PRH1: variants seen among roughly 807,000 people sequenced by gnomAD.
PRH1 encodes the protein salivary acidic proline-rich phosphoprotein 1/2.
In PRH1, 7 loss-of-function variants were observed where a neutral mutation model predicts 7.9. The observed-to-expected ratio is 0.89, with a 90% CI of 0.50 to 1.67. The LOEUF (loss-of-function observed/expected upper bound fraction) is 1.67, where lower values mean the gene tolerates loss of function less well. PRH1 is among the 40% of genes most tolerant of loss of function. The pLI is 0.00. For synonymous variants in PRH1, 45 were observed against 80.8 expected (o/e 0.56, Z 2.38); for missense variants, 109 against 223.6 (o/e 0.49, Z 3.27).
intron 1 of PRH1, among the ~76,000 whole-genome samples, chr12:11,022,980 C>T (rs1268566704): frequency 1.3e-5 from 2 of 152,082 alleles, no homozygotes; most frequent in African/African-American, 4.8e-5. Context: ...TCAGTTGTTC[C>T]ATAGGGAAAT....
At chr12:11,093,048 G>T (rs143518639) in intron 1 of PRH1, among the ~76,000 whole-genome samples, 1 of 116,086 alleles carries the variant, frequency 8.6e-6, no homozygotes, top group African/African-American at 2.9e-5. Flanking sequence ...TTGCTAGTAT[G>T]CAAATAGGGA....
chr12:10,971,845 A>G (rs1380752314), intron 2 of PRH1, among the ~76,000 whole-genome samples: 1 of 152,150 alleles, frequency 6.6e-6, no homozygotes, highest in African/African-American at 2.4e-5. Flanking sequence ...CAAAAATTAC[A>G]TATTACTCTT....
chr12:11,070,034 G>C (rs1434190908), intron 1 of PRH1, among the ~76,000 whole-genome samples: 1 of 152,142 alleles, frequency 6.6e-6, no homozygotes, highest in Non-Finnish European at 1.5e-5. Flanking sequence ...TACGTAGTTA[G>C]TCAGGCATGA....
chr12:10,975,018 G>A (rs1387586788), intron 1 of PRH1, among the ~76,000 whole-genome samples: 3 of 152,200 alleles, frequency 2.0e-5, no homozygotes, highest in Admixed American at 6.5e-5. Context: ...AAGTATTCAC[G>A]GCATAATTGA....
upstream of PRH1, among the ~76,000 whole-genome samples, chr12:10,888,767 T>C (rs946123394): frequency 4.6e-5 from 7 of 152,266 alleles, no homozygotes; most frequent in Non-Finnish European, 8.8e-5. Context: ...TATGTTTTAC[T>C]TTACATGTAC....
chr12:10,890,643 G>A (rs1949558782), intron 2 of PRH1, among the ~76,000 whole-genome samples: 1 of 152,114 alleles, frequency 6.6e-6, no homozygotes, highest in Non-Finnish European at 1.5e-5. Flanking sequence ...AGAGGCAGAG[G>A]TGGGAGGACT....
intron 1 of PRH1, among the ~76,000 whole-genome samples, chr12:11,041,714 G>C (rs745631090): frequency 1.4e-4 from 22 of 152,300 alleles, no homozygotes; most frequent in Non-Finnish European, 2.9e-4. Context: ...CTCAAGGATA[G>C]ACCATATGTT....
intron 1 of PRH1, among the ~76,000 whole-genome samples, chr12:11,084,309 A>G (rs1391549588): frequency 7.4e-6 from 1 of 134,330 alleles, no homozygotes; most frequent in Non-Finnish European, 1.7e-5. Flanking sequence ...CTTGCTTCCA[A>G]CAGTTCATTT....
intron 1 of PRH1, among the ~76,000 whole-genome samples, chr12:11,083,932 CTG>C (rs1944586178): frequency 8.4e-6 from 1 of 119,102 alleles, no homozygotes. Context: ...CTAGTTGGTT[CTG>C]CTGGGACAAT....
chr12:11,148,145 G>C (rs1173391902), intron 1 of PRH1, among the ~76,000 whole-genome samples: 2 of 142,356 alleles, frequency 1.4e-5, no homozygotes, highest in Non-Finnish European at 3.1e-5. Flanking sequence ...TTTGTATCCT[G>C]AGACTTTGCT....
intron 1 of PRH1, chr12:11,159,254 C>T (rs1318277735): frequency 6.6e-6 from 1 of 151,172 alleles, no homozygotes; most frequent in Non-Finnish European, 1.5e-5. Context: ...TGGCATTGGA[C>T]ATAAAAAGGT....
chr12:10,994,664 T>C (rs1940124392), intron 1 of PRH1, among the ~76,000 whole-genome samples: 1 of 151,278 alleles, frequency 6.6e-6, no homozygotes, highest in South Asian at 2.1e-4. Flanking sequence ...TGATAAGATA[T>C]TCATTCAGTG....
At chr12:10,916,914 TAAAATAAAA>T (rs763372339) in intron 2 of PRH1, among the ~76,000 whole-genome samples, 24 of 151,282 alleles carry the variant, frequency 1.6e-4, no homozygotes, top group East Asian at 3.9e-4. Context: ...TAAAATAAAA[TAAAATAAAA>T]AAAATAGCTG....
intron 1 of PRH1, among the ~76,000 whole-genome samples, chr12:11,025,070 G>A (rs1941841505): frequency 6.7e-6 from 1 of 149,428 alleles, no homozygotes; most frequent in African/African-American, 2.5e-5. Context: ...CCAGGCTGGA[G>A]TGCAGTGGCA....
chr12:11,159,981 G>A (rs1947364867), intron 1 of PRH1, among the ~76,000 whole-genome samples: 1 of 152,116 alleles, frequency 6.6e-6, no homozygotes, highest in African/African-American at 2.4e-5. Context: ...AAACACTAAT[G>A]ATGTCTATTT....
chr12:11,151,916 T>A (rs911340086), intron 1 of PRH1, among the ~76,000 whole-genome samples: 1 of 147,920 alleles, frequency 6.8e-6, no homozygotes, highest in Admixed American at 6.9e-5. Context: ...ATTTCTGGAA[T>A]CAGCATTTCT....
At chr12:10,994,372 G>A (rs759342209) in intron 1 of PRH1, among the ~76,000 whole-genome samples, 7 of 152,178 alleles carry the variant, frequency 4.6e-5, no homozygotes, top group African/African-American at 1.2e-4. Flanking sequence ...TATATTCTCC[G>A]TCCTCTGTTG....
chr12:11,046,079 T>C (rs2708322), intron 1 of PRH1, among the ~76,000 whole-genome samples: 69,157 of 151,904 alleles, frequency 0.46, 16,554 homozygotes, highest in Non-Finnish European at 0.53. Flanking sequence ...TTTAATAGTC[T>C]TCAATTACAT....
chr12:11,009,759 C>G (rs1366005544), intron 1 of PRH1, among the ~76,000 whole-genome samples: 1 of 151,922 alleles, frequency 6.6e-6, no homozygotes, highest in African/African-American at 2.4e-5. Context: ...CACACAAACT[C>G]TCCTCATATG....
Sources: allele counts gnomAD v4.1 joint callset (sites outside exome capture counted in the v4.1 genomes callset), GRCh38; gene constraint gnomAD v4.1.1; transcripts MANE v1.5; gene names NCBI Gene and HGNC (gene_info 2026-07-23, HGNC 2026-07-21).